Variants in TRIM17 observed in about 807,000 individuals in gnomAD.
The protein encoded by TRIM17 is tripartite motif containing 17.
TRIM17 carries 27 observed loss-of-function variants against 35.8 expected under a neutral mutation model. The ratio of observed to expected loss-of-function variants is 0.75; its 90% confidence interval spans 0.56 to 1.04. The LOEUF (loss-of-function observed/expected upper bound fraction) is 1.04, where lower values mean the gene tolerates loss of function less well. Ranked by LOEUF, TRIM17 falls within the 50% of genes least tolerant of loss-of-function variation. The probability of loss-of-function intolerance (pLI) is 0.00; values close to 1 mark genes in which losing one functional copy is unlikely to be tolerated. For missense variants in TRIM17, 582 were observed against 612.8 expected, an observed-to-expected ratio of 0.95 and a Z score of 0.53; for synonymous variants, 246 against 252.6, an observed-to-expected ratio of 0.97 and a Z score of 0.25.
Position 228,409,401 on chromosome 1 carries a change from T to G in TRIM17, c.767A>C (p.Glu256Ala), listed in dbSNP as rs973818494. The part of the protein sequence containing the change: ...GPLQMLQDMK[E>A]PLSRKNNVSV... The stretch of plus-strand genomic sequence containing the variant: ...GGGGACCACATACCTGCTCAGGGGT[T>G]CCTTCATGTCCTGCAAAAGACAGGG... Residue 256 changes from glutamate (E) to alanine (A), a missense_variant, in exon 5 of 7, where the codon GAA becomes GCA. By Grantham distance (107) the Glu-to-Ala change is moderately radical (BLOSUM62 -1). Transcript: ENST00000366698. The G allele has an allele frequency of 7.8e-6, 12 of 1,548,284 alleles. No homozygotes were observed. Among genetic ancestry groups the G allele is most frequent in the Non-Finnish European group, 9.6e-6 (11 of 1,149,994 alleles).
At position 228,411,233 on chromosome 1, in the gene TRIM17, C is replaced by G; in HGVS notation, c.526-57G>C. 7.0e-7 allele frequency: 1 copy of G among 1,434,568 alleles called. No individual in the cohort carries two copies. The allele number at this position is 1,434,568 out of a possible 1,614,324, so 88.9% of individuals were successfully genotyped here. On this transcript the variant is annotated intron_variant, in intron 3 of 6. Coordinates refer to ENST00000366698, the MANE Select transcript of TRIM17 (RefSeq NM_016102.4). This position sits in a 1 kb window ranked among gnomAD's most constrained non-coding sequence, Gnocchi z 4.2. ...AGCAGGTGGCTCAGCTCCAGGGATG[C>G]TGGCACCTCTCCCCAGGGCCCTGGT... is the stretch of plus-strand genomic sequence containing the variant.
At position 228,416,787 on chromosome 1, in the gene TRIM17, G is replaced by A; in HGVS notation, c.-290C>T. 1.0e-6 allele frequency: 1 copy of A among 984,332 alleles called. No homozygotes were observed. Among genetic ancestry groups the A allele is most frequent in the South Asian group, 4.7e-5 (1 of 21,280 alleles). The allele number at this position is 984,332 out of a possible 1,614,324, so 61.0% of individuals were successfully genotyped here. On this transcript the variant is annotated 5_prime_UTR_variant, in exon 1 of 7. Transcript: ENST00000366698. ...CGGCGCCTCTTAGGAGAGGTTGGGG[G>A]TGGCTTGGGGAAGGAAGGCGGCAGG... is the stretch of plus-strand genomic sequence containing the variant.
In TRIM17 at chr1:228,411,434, C is replaced by T. The variant is rs994151916; in HGVS notation, c.526-258G>A. 6.6e-6 allele frequency among the ~76,000 whole-genome samples: 1 copy of T among 152,206 alleles called. No homozygotes were observed. The highest frequency in any genetic ancestry group is 1.5e-5 in the Non-Finnish European group (1 of 68,040). On this transcript the variant is annotated intron_variant, in intron 3 of 6. Transcript: ENST00000366698. This position sits in a 1 kb window ranked among gnomAD's most constrained non-coding sequence, Gnocchi z 4.2. ...CTCTGAGGAGGTTCAGAATGTCCACCCCCAGATAAGCCTCTTGGGCATGTT... is the reference window on the plus strand; with the variant it reads ...CTCTGAGGAGGTTCAGAATGTCCACTCCCAGATAAGCCTCTTGGGCATGTT...
rs142341011 is a variant in TRIM17, at chr1:228,408,547, G to T, written c.1088C>A (p.Ala363Glu). The T allele has an allele frequency of 7.4e-6, 12 of 1,613,932 alleles. No individual in the cohort carries two copies. Among genetic ancestry groups the T allele is most frequent in the Non-Finnish European group, 9.3e-6 (11 of 1,180,006 alleles). ...CCTGCACACACCCAGGGCCCACAAC[G>T]CGTCCCCGGTGATGTTCATGCCCAC... ...WEVGMNITGD[A>E]LWALGVCRDN... The change falls in exon 7 of 7, where the codon GCG becomes GAG. Residue 363 changes from alanine (A) to glutamate (E), a missense_variant. Transcript: ENST00000366698. This position sits in a 1 kb window ranked among gnomAD's most constrained non-coding sequence, Gnocchi z 6.3.
In TRIM17 at chr1:228,410,883, C is replaced by A; in HGVS notation, c.756+63G>T. ...TTGGCTGCCTCTTCCCCAAGCCCAG[C>A]GCCCCCTGCCCATGCCTGTCAGAGC... On this transcript the variant is annotated intron_variant, in intron 4 of 6. Transcript: ENST00000366698. This position sits in a 1 kb window ranked among gnomAD's most constrained non-coding sequence, Gnocchi z 4.6. 1 of 1,215,606 alleles carries A rather than the reference C, an allele frequency of 8.2e-7. No individual in the cohort carries two copies. The highest frequency in any genetic ancestry group is 1.1e-6 in the Non-Finnish European group (1 of 899,406). The allele number at this position is 1,215,606 out of a possible 1,614,324, so 75.3% of individuals were successfully genotyped here.
chr1:228,409,571 A>C, intron 4 of TRIM17, 160 bp from the exon 5 acceptor site: 1 of 654,604 alleles, frequency 1.5e-6, no homozygotes, highest in Non-Finnish European at 2.5e-6. Context: ...AGCCTTCCCC[A>C]CTGCCCTAGC....
Position 228,416,654 on chromosome 1 carries a change from G to A in TRIM17, c.-157C>T. Reference sequence around the variant, plus strand: ...AGGCTGCGGCCCGGCCCGGGGCGTGGGGACCTGGGGTCGGGAGGCCTAGGG... The same window carrying A: ...AGGCTGCGGCCCGGCCCGGGGCGTGAGGACCTGGGGTCGGGAGGCCTAGGG... On this transcript the variant is annotated 5_prime_UTR_variant, in exon 1 of 7. Transcript: ENST00000366698. 1 of 985,302 alleles carries A rather than the reference G, an allele frequency of 1.0e-6. No homozygotes were observed. Among genetic ancestry groups the A allele is most frequent in the African/African-American group, 1.7e-5 (1 of 57,286 alleles). The allele number at this position is 985,302 out of a possible 1,614,324, so 61.0% of individuals were successfully genotyped here.
chr1:228,414,074 A>T (rs949107668), intron 2 of TRIM17, among the ~76,000 whole-genome samples, 182 bp from the exon 3 acceptor site: 1 of 152,236 alleles, frequency 6.6e-6, no homozygotes, highest in Non-Finnish European at 1.5e-5. Flanking sequence ...GCACTTAAAA[A>T]AGGGCAGGTG....
intron 2 of TRIM17, 103 bp downstream of exon 2, chr1:228,414,541 A>T: frequency 9.5e-7 from 1 of 1,051,650 alleles, no homozygotes; most frequent in Non-Finnish European, 1.4e-6. Context: ...GACTCGGGCC[A>T]CTTTGTCCCT....
Position 228,416,826 on chromosome 1 carries a change from T to C in TRIM17, c.-329A>G, listed in dbSNP as rs1355841195. ...GAAGGCGGCAGGGGGTGGAAGGCTC[T>C]GGACGAGCCGGGGACAGGCGCAGCG... is the stretch of plus-strand genomic sequence containing the variant. On this transcript the variant is annotated 5_prime_UTR_variant, in exon 1 of 7. Coordinates refer to ENST00000366698, the MANE Select transcript of TRIM17 (RefSeq NM_016102.4). 2 of 975,888 alleles carry C rather than the reference T, an allele frequency of 2.0e-6. No individual in the cohort carries two copies. The highest frequency in any genetic ancestry group is 2.4e-6 in the Non-Finnish European group (2 of 827,676). 60.5% of individuals were successfully genotyped at this position (975,888 alleles called of 1,614,324 possible). A position where few individuals can be genotyped will look rare whatever the true frequency, so the allele number is the denominator to read the frequency against.
chr1:228,409,239 G>GT lies in TRIM17; in HGVS notation c.815_816insA (p.Thr275AsnfsTer14). On this transcript the variant is annotated frameshift_variant, in exon 6 of 7. Transcript: ENST00000366698. LOFTEE classifies it high-confidence loss of function. Reference sequence around the variant, plus strand: ...ACACAGTCCTGGGTCTGGTTGGGGGGGCAACCTCTGGGCACTGCACACTCA... The same window carrying GT: ...ACACAGTCCTGGGTCTGGTTGGGGGGTGCAACCTCTGGGCACTGCACACTCA... 6.2e-7 allele frequency: 1 copy of GT among 1,613,916 alleles called. No individual in the cohort carries two copies. The highest frequency in any genetic ancestry group is 1.1e-5 in the South Asian group (1 of 91,078).
chr1:228,413,152 A>G (rs990651215), intron 3 of TRIM17, among the ~76,000 whole-genome samples: 1 of 150,624 alleles, frequency 6.6e-6, no homozygotes, highest in Non-Finnish European at 1.5e-5. Context: ...CAGAGGTTGC[A>G]GTGAACTGAC....
At position 228,414,870 on chromosome 1, in the gene TRIM17, ATCTC is replaced by A; in HGVS notation, c.199_202del (p.Glu67CysfsTer13). 14 of 1,613,588 alleles carry A rather than the reference ATCTC, an allele frequency of 8.7e-6. No homozygotes were observed. The highest frequency in any genetic ancestry group is 1.2e-5 in the Non-Finnish European group (14 of 1,179,992). ...GGGCAGCAGGTTCCTCTGCGGGGAC[ATCTC>A]TCTGCACTCGGGGCAGGGGAAGGAG... On this transcript the variant is annotated frameshift_variant, in exon 2 of 7. Transcript: ENST00000366698. LOFTEE classifies it high-confidence loss of function.
At position 228,411,160 on chromosome 1, in the gene TRIM17, C is replaced by T. The variant is rs141172871; in HGVS notation, c.542G>A (p.Arg181Gln). 188 of 1,610,974 alleles carry T rather than the reference C, an allele frequency of 1.2e-4. 1 individual carries two copies. The highest frequency in any genetic ancestry group is 6.6e-4 in the Middle Eastern group (4 of 6,044). The change falls in exon 4 of 7, where the codon CGG (arginine) becomes CAG (glutamine). Residue 181 changes from arginine (R) to glutamine (Q), a missense_variant. Transcript: ENST00000366698. The surrounding 1 kb of genome is among the most constrained non-coding windows in gnomAD (Gnocchi z 4.2). ...AAACTCCAGCACAATGCGTTCTCTC[C>T]GCTCCTTCACCTTGCCCTGCAGGAG... ...LAEWQGKVKE[R>Q]RERIVLEFEK...
In TRIM17 at chr1:228,414,747, A is replaced by G. The variant is rs1558459246; in HGVS notation, c.326T>C (p.Phe109Ser). Residue 109 changes from phenylalanine (F) to serine (S), a missense_variant, in exon 2 of 7, where the codon TTC becomes TCC. Transcript: ENST00000366698. ...CQEHHEPLKL[F>S]CQKDQSPICV... is the part of the protein sequence containing the mutation. ...GATGGGGCTCTGGTCCTTCTGGCAG[A>G]AAAGCTTGAGGGGCTCGTGGTGCTC... 1.2e-6 allele frequency: 2 copies of G among 1,612,912 alleles called. No homozygotes were observed. Among genetic ancestry groups the G allele is most frequent in the Non-Finnish European group, 1.7e-6 (2 of 1,180,036 alleles).
chr1:228,412,595 C>CAAAAAA (rs34002550), intron 3 of TRIM17, among the ~76,000 whole-genome samples: 2 of 47,424 alleles, frequency 4.2e-5, no homozygotes, highest in Non-Finnish European at 3.5e-5. Flanking sequence ...CTTGTCTCTA[C>CAAAAAA]AAAAAAAAAA....
chr1:228,409,078 C>T (rs199722854), intron 6 of TRIM17, 94 bp downstream of exon 6: 1 of 1,610,186 alleles, frequency 6.2e-7, no homozygotes, highest in Non-Finnish European at 8.5e-7. Context: ...ACTTGTAGAA[C>T]CCCCCCCATT....
intron 4 of TRIM17, among the ~76,000 whole-genome samples, chr1:228,409,966 G>A (rs1222816564): frequency 2.0e-5 from 3 of 152,188 alleles, no homozygotes; most frequent in Non-Finnish European, 4.4e-5. Flanking sequence ...ACTCTAGGCA[G>A]GGACTCTCAT....
intron 1 of TRIM17, chr1:228,415,531 C>CGA: frequency 6.4e-6 from 1 of 156,878 alleles, no homozygotes; most frequent in Non-Finnish European, 1.4e-5. Flanking sequence ...ATCCACTGAC[C>CGA]CCACCCAGAT....
Sources: gnomAD v4.1 joint callset for allele counts (sites outside exome capture counted in the v4.1 genomes callset) on GRCh38, gnomAD v4.1.1 for gene constraint, Gnocchi (gnomAD v3.1) non-coding constraint, MANE v1.5 for transcripts, NCBI Gene and HGNC (gene_info 2026-07-23, HGNC 2026-07-21) for gene names.